IQGAP2: variants seen among roughly 807,000 people sequenced by gnomAD.
IQGAP2 encodes the protein IQ motif containing GTPase activating protein 2.
A neutral mutation model predicts 201.3 loss-of-function variants in IQGAP2; 173 were observed. That is an observed-to-expected ratio of 0.86 (90% CI 0.76 to 0.98). IQGAP2 has a LOEUF of 0.98. Among genes scored for constraint, IQGAP2 ranks in the 50% least tolerant of loss-of-function variants. The probability of loss-of-function intolerance (pLI) is 0.00; values close to 1 mark genes in which losing one functional copy is unlikely to be tolerated. For missense variants in IQGAP2, 1,687 were observed against 1,864.8 expected (o/e 0.90, Z 1.76); for synonymous variants, 675 against 673.9 (o/e 1.00, Z -0.03).
chr5:76,530,121 T>G (rs1025872262), intron 2 of IQGAP2, among the ~76,000 whole-genome samples: 4 of 152,172 alleles, frequency 2.6e-5, no homozygotes, highest in Non-Finnish European at 4.4e-5. Context: ...TCCTTATAGT[T>G]TGAAAGCAGC....
intron 3 of IQGAP2, among the ~76,000 whole-genome samples, chr5:76,566,519 A>G (rs1031636495): frequency 6.6e-6 from 1 of 152,192 alleles, no homozygotes; most frequent in African/African-American, 2.4e-5. Context: ...GAGATTGCAC[A>G]GCCATGCAGG....
At position 76,570,643 on chromosome 5, in the gene IQGAP2, A is replaced by G. The variant is rs1745048826; in HGVS notation, c.367A>G (p.Ile123Val). The change falls in exon 4 of 36, where the codon ATT becomes GTT. Residue 123 changes from isoleucine (I) to valine (V), a missense_variant. Coordinates refer to ENST00000274364, the MANE Select transcript of IQGAP2 (RefSeq NM_006633.5). Reference sequence around the variant, plus strand: ...CCAGTGGTTAAGAGCGATGGAGTCTATTGGTCTACCCAAGGTAAGCCTTCA... The same window carrying G: ...CCAGTGGTTAAGAGCGATGGAGTCTGTTGGTCTACCCAAGGTAAGCCTTCA... ...TVQWLRAMES[I>V]GLPKIFYPET... is the part of the protein sequence containing the mutation. 1 of 1,612,948 alleles carries G rather than the reference A, an allele frequency of 6.2e-7. No homozygotes were observed. Among genetic ancestry groups the G allele is most frequent in the African/African-American group, 1.3e-5 (1 of 74,888 alleles).
intron 34 of IQGAP2, among the ~76,000 whole-genome samples, chr5:76,701,508 T>C (rs1747386923): frequency 6.6e-6 from 1 of 152,238 alleles, no homozygotes; most frequent in Non-Finnish European, 1.5e-5. Flanking sequence ...TTGGTCTTGA[T>C]GGATGAATTA....
chr5:76,632,304 C>T (rs1253369520), intron 15 of IQGAP2, among the ~76,000 whole-genome samples: 2 of 152,084 alleles, frequency 1.3e-5, no homozygotes, highest in Non-Finnish European at 2.9e-5. Context: ...TTCATTTATT[C>T]GTGTGAGTAG....
chr5:76,672,048 T>C lies in IQGAP2; in HGVS notation c.3068+65T>C, dbSNP rs1273964951. 5 of 1,238,426 alleles carry C rather than the reference T, an allele frequency of 4.0e-6. No homozygotes were observed. The East Asian group carries it at 1.2e-4, about 31-fold the overall frequency. 76.7% of individuals were successfully genotyped at this position (1,238,426 alleles called of 1,614,324 possible). A position where few individuals can be genotyped will look rare whatever the true frequency, so the allele number is the denominator to read the frequency against. ...TATGATATTTTTACATGTGTATTTA[T>C]TGATACTCTTAAACTTTGTTAGGCG... On this transcript the variant is annotated intron_variant, in intron 24 of 35. Transcript: ENST00000274364.
intron 5 of IQGAP2, among the ~76,000 whole-genome samples, chr5:76,578,170 A>G (rs1480528095): frequency 6.6e-6 from 1 of 152,068 alleles, no homozygotes; most frequent in Non-Finnish European, 1.5e-5. Flanking sequence ...TTCTGATCCC[A>G]GTCTCGTGTC....
intron 2 of IQGAP2, among the ~76,000 whole-genome samples, chr5:76,508,022 A>G (rs1156640056): frequency 1.4e-5 from 2 of 146,872 alleles, no homozygotes; most frequent in Admixed American, 1.4e-4. Context: ...AAAAAAAAAA[A>G]AAAAATGGGC....
At chr5:76,451,967 G>A (rs906989232) in intron 1 of IQGAP2, among the ~76,000 whole-genome samples, 2 of 152,134 alleles carry the variant, frequency 1.3e-5, no homozygotes, top group African/African-American at 2.4e-5. Context: ...AACTCAGGAG[G>A]TGGAGGTTGC....
intron 1 of IQGAP2, among the ~76,000 whole-genome samples, chr5:76,437,151 A>C (rs1055472930): frequency 3.3e-5 from 5 of 151,930 alleles, no homozygotes; most frequent in African/African-American, 1.2e-4. Context: ...TTTTGGGTTC[A>C]AGTGATTCCC....
chr5:76,448,801 A>AT (rs1266730046), intron 1 of IQGAP2, among the ~76,000 whole-genome samples: 1 of 152,240 alleles, frequency 6.6e-6, no homozygotes, highest in African/African-American at 2.4e-5. Flanking sequence ...TGGTTTGAGT[A>AT]TTAAATTAAT....
chr5:76,655,794 A>T (rs766800555), intron 20 of IQGAP2, among the ~76,000 whole-genome samples: 2 of 152,178 alleles, frequency 1.3e-5, no homozygotes, highest in Admixed American at 1.3e-4. Flanking sequence ...AAAAATAACA[A>T]TCACATTTTG....
rs187353476 is a variant in IQGAP2 at position 76,403,705 on chromosome 5, A to G, written c.46+114A>G. On this transcript the variant is annotated intron_variant, in intron 1 of 35. Coordinates refer to ENST00000274364, the MANE Select transcript of IQGAP2 (RefSeq NM_006633.5). The surrounding 1 kb of genome is among the most constrained non-coding windows in gnomAD (Gnocchi z 4.8). ...CGCGGCGCAGAGGAAATTGGAAGGCAGCAACTGCGCGGCTGGCAAAGTTGG... is the reference window on the plus strand; with the variant it reads ...CGCGGCGCAGAGGAAATTGGAAGGCGGCAACTGCGCGGCTGGCAAAGTTGG... 2,475 of 861,680 alleles carry G rather than the reference A, an allele frequency of 2.9e-3. 55 individuals carry two copies. In the African/African-American group the frequency reaches 0.037, roughly 13 times the overall value. The allele number at this position is 861,680 out of a possible 1,614,324, so 53.4% of individuals were successfully genotyped here. A position where few individuals can be genotyped will look rare whatever the true frequency, so the allele number is the denominator to read the frequency against.
chr5:76,415,777 A>C (rs149750285), intron 1 of IQGAP2, among the ~76,000 whole-genome samples: 29 of 152,298 alleles, frequency 1.9e-4, no homozygotes, highest in African/African-American at 6.3e-4. Flanking sequence ...CCCTGTCTCT[A>C]TTAAAAATAC....
At chr5:76,514,110 G>C (rs1351130360) in intron 2 of IQGAP2, among the ~76,000 whole-genome samples, 2 of 132,314 alleles carry the variant, frequency 1.5e-5, no homozygotes, top group African/African-American at 5.8e-5. Flanking sequence ...TGCAACCTCT[G>C]CTTCCTGGGT....
chr5:76,652,373 G>A lies in IQGAP2; in HGVS notation c.2095-377G>A, dbSNP rs191754374. 4.4e-3 allele frequency among the ~76,000 whole-genome samples: 665 copies of A among 152,290 alleles called. 6 individuals carry two copies. Among genetic ancestry groups the A allele is most frequent in the African/African-American group, 0.015 (644 of 41,558 alleles). On this transcript the variant is annotated intron_variant, in intron 17 of 35. Coordinates refer to ENST00000274364, the MANE Select transcript of IQGAP2 (RefSeq NM_006633.5). The stretch of plus-strand genomic sequence containing the variant: ...ACTTAATATTAGGCATTATTTTCAA[G>A]CATTTTTTGTTGTTATCAAATACCA...
At chr5:76,691,648 C>G (rs1449531615) in intron 30 of IQGAP2, 1 of 152,096 alleles carries the variant, frequency 6.6e-6, no homozygotes, top group Admixed American at 6.6e-5. Flanking sequence ...GCTGTGCATT[C>G]CCAGACAGCC....
chr5:76,673,407 G>A (rs1744524636), intron 24 of IQGAP2, 42 bp from the exon 25 acceptor site: 7 of 1,593,888 alleles, frequency 4.4e-6, no homozygotes, highest in Non-Finnish European at 6.0e-6. Flanking sequence ...ATTAATGCTT[G>A]TACCTAAGCC....
At position 76,561,662 on chromosome 5, in the gene IQGAP2, C is replaced by T. The variant is rs1413511409; in HGVS notation, c.147-734C>T. 5.9e-5 allele frequency among the ~76,000 whole-genome samples: 9 copies of T among 152,286 alleles called. No individual in the cohort carries two copies. In the East Asian group the frequency reaches 1.7e-3, roughly 29 times the overall value. ...TCAGCACACCATTGTGACATGTGAA[C>T]TGGCCTGTCTCCTCTCCCACTGTAA... On this transcript the variant is annotated intron_variant, in intron 2 of 35. Transcript: ENST00000274364.
intron 1 of IQGAP2, among the ~76,000 whole-genome samples, chr5:76,452,359 T>A (rs1025013696): frequency 7.9e-5 from 12 of 152,036 alleles, no homozygotes; most frequent in Admixed American, 2.6e-4. Flanking sequence ...TCATTTACAT[T>A]AGGTATATCC....
Sources: allele counts gnomAD v4.1 joint callset (sites outside exome capture counted in the v4.1 genomes callset), GRCh38; gene constraint gnomAD v4.1.1; non-coding constraint Gnocchi (gnomAD v3.1); transcripts MANE v1.5; gene names NCBI Gene and HGNC (gene_info 2026-07-23, HGNC 2026-07-21).